The following MAT2B variants were observed in gnomAD, a reference collection of about 807,000 sequenced individuals.
MAT2B encodes the protein methionine adenosyltransferase 2 non-catalytic beta subunit, also known as methionine adenosyltransferase 2 subunit beta.
In MAT2B, 16 loss-of-function variants were observed where a neutral mutation model predicts 36.1. That is an observed-to-expected ratio of 0.44 (90% CI 0.30 to 0.67). The LOEUF is 0.67. Among genes scored for constraint, MAT2B ranks in the 30% least tolerant of loss-of-function variants. The probability of loss-of-function intolerance (pLI) is 0.09; values close to 1 mark genes in which losing one functional copy is unlikely to be tolerated. For missense variants in MAT2B, 332 were observed against 398.2 expected (o/e 0.83, Z 1.42); for synonymous variants, 148 against 136.9 (o/e 1.08, Z -0.57).
At chr5:163,505,589 T>C, upstream of MAT2B, 2 of 1,247,680 alleles carry the variant, frequency 1.6e-6, no homozygotes, top group South Asian at 4.1e-5. Context: ...GTTCTGGGCC[T>C]AGGGGAGGCG....
chr5:163,513,796 GTAA>G (rs748353115), intron 3 of MAT2B, 43 bp from the exon 4 acceptor site: 1 of 1,564,038 alleles, frequency 6.4e-7, no homozygotes, highest in Admixed American at 1.8e-5. Flanking sequence ...CCATGAAAGA[GTAA>G]TGTCATGTAA....
intron 1 of MAT2B, among the ~76,000 whole-genome samples, chr5:163,511,439 CTTTTTTT>C (rs60009583): frequency 2.6e-4 from 18 of 69,552 alleles, no homozygotes; most frequent in African/African-American, 4.0e-4. Context: ...CTAATTTTTG[CTTTTTTT>C]TTTTTTTTTT....
At chr5:163,509,428 A>G (rs1321682882) in intron 1 of MAT2B, among the ~76,000 whole-genome samples, 1 of 152,194 alleles carries the variant, frequency 6.6e-6, no homozygotes, top group East Asian at 1.9e-4. Context: ...CTGGTCCTCT[A>G]AGTGCGGTCT....
intron 1 of MAT2B, among the ~76,000 whole-genome samples, chr5:163,509,503 C>T (rs1490411358): frequency 6.6e-6 from 1 of 152,128 alleles, no homozygotes; most frequent in Non-Finnish European, 1.5e-5. Context: ...CAAGCCCCAC[C>T]CCAGACCTTT....
chr5:163,510,264 A>G, intron 1 of MAT2B, among the ~76,000 whole-genome samples: 1 of 152,324 alleles, frequency 6.6e-6, no homozygotes, highest in East Asian at 1.9e-4. Context: ...GCTTGGAAAC[A>G]TAGAATTTAA....
At chr5:163,511,274 A>AAT (rs1554099704) in intron 1 of MAT2B, among the ~76,000 whole-genome samples, 464 of 149,788 alleles carry the variant, frequency 3.1e-3, no homozygotes, top group Non-Finnish European at 5.3e-3. Context: ...AATTAAAAAA[A>AAT]TTTTTTTTTT....
intron 1 of MAT2B, among the ~76,000 whole-genome samples, chr5:163,508,601 C>CT (rs916807592): frequency 2.1e-4 from 32 of 151,880 alleles, no homozygotes; most frequent in Admixed American, 9.2e-4. Flanking sequence ...CGTTAGTTTT[C>CT]TTTTTTTTGG....
chr5:163,516,859 A>G (rs935473218), intron 5 of MAT2B, 148 bp downstream of exon 5: 20 of 667,532 alleles, frequency 3.0e-5, no homozygotes, highest in Admixed American at 1.5e-4. Context: ...TAGTTTACAT[A>G]TACACTGTAT....
chr5:163,513,532 A>G (rs750880058), intron 2 of MAT2B, 23 bp from the exon 3 acceptor site: 2 of 1,373,660 alleles, frequency 1.5e-6, no homozygotes, highest in Middle Eastern at 1.8e-4. Flanking sequence ...TGAGTTAAAA[A>G]TACGTCAATG....
rs1276399152 is a variant in MAT2B at position 163,512,140 on chromosome 5, G to A, written c.202G>A (p.Glu68Lys). The A allele has an allele frequency of 1.2e-6, 2 of 1,613,980 alleles. No individual in the cohort carries two copies. Among genetic ancestry groups the A allele is most frequent in the African/African-American group, 2.7e-5 (2 of 74,908 alleles). The change falls in exon 2 of 7, where the codon GAA becomes AAA. Residue 68 changes from glutamate (E) to lysine (K), a missense_variant. By Grantham distance (56) the Glu-to-Lys change is moderately conservative. Coordinates refer to ENST00000321757, the MANE Select transcript of MAT2B (RefSeq NM_013283.5). ...TTTCAGAAGAGCAAGACCAAAATTTGAACAGGTTAATCTGTTGGATTCTAA... is the reference window on the plus strand; with the variant it reads ...TTTCAGAAGAGCAAGACCAAAATTTAAACAGGTTAATCTGTTGGATTCTAA... ...CGFRRARPKF[E>K]QVNLLDSNAV...
chr5:163,512,569 T>C, intron 2 of MAT2B: 1 of 387,298 alleles, frequency 2.6e-6, no homozygotes, highest in Non-Finnish European at 4.9e-6. Context: ...GATACTATTC[T>C]CCCTTTGACA....
At chr5:163,505,469 G>T (rs75692991), upstream of MAT2B, 463 of 1,192,144 alleles carry the variant, frequency 3.9e-4, no homozygotes, top group African/African-American at 6.6e-3. Context: ...ATCGGCGCGT[G>T]GGCTGGGGGC....
Position 163,512,061 on chromosome 5 carries a change from C to A in MAT2B, c.123C>A (p.Gly41=). ...TTACTGGTGCCACTGGGCTTCTTGG[C>A]AGAGCTGTACACAAAGAATTTCAGC... The part of the protein sequence containing the change: ...VLVTGATGLL[G]RAVHKEFQQN... The change falls in exon 2 of 7, where the codon GGC becomes GGA. Residue 41 remains glycine (G), a synonymous_variant. Transcript: ENST00000321757. 6.2e-7 allele frequency: 1 copy of A among 1,614,142 alleles called. No individual in the cohort carries two copies. The highest frequency in any genetic ancestry group is 8.5e-7 in the Non-Finnish European group (1 of 1,179,994).
chr5:163,508,922 G>A (rs74745396), intron 1 of MAT2B, among the ~76,000 whole-genome samples: 1,842 of 152,236 alleles, frequency 0.012, 41 homozygotes, highest in African/African-American at 0.042. Flanking sequence ...GTTATAGGCC[G>A]GGCGTACTGG....
At chr5:163,508,404 G>A (rs1455828949) in intron 1 of MAT2B, among the ~76,000 whole-genome samples, 1 of 150,956 alleles carries the variant, frequency 6.6e-6, no homozygotes, top group Admixed American at 6.6e-5. Flanking sequence ...TGCCCGACTA[G>A]TTTTTCTATT....
intron 6 of MAT2B, 107 bp from the exon 7 acceptor site, chr5:163,518,086 C>G (rs2113564297): frequency 4.0e-6 from 3 of 740,766 alleles, no homozygotes; most frequent in Non-Finnish European, 6.3e-6. Flanking sequence ...GATCTCATCT[C>G]TGTTTAAAAA....
rs1243296768 is a variant in MAT2B, at chr5:163,519,003, A to AT, written c.*647dup. On this transcript the variant is annotated 3_prime_UTR_variant, in exon 7 of 7. Transcript: ENST00000321757. The stretch of plus-strand genomic sequence containing the variant: ...AGGCAAACATTGAATGCAAACGTGT[A>AT]TTTTTTTAATATAAATATATAACTG... 6.6e-6 allele frequency: 1 copy of AT among 152,346 alleles called. No homozygotes were observed. The highest frequency in any genetic ancestry group is 2.1e-4 in the South Asian group (1 of 4,816). The allele number at this position is 152,346 out of a possible 1,614,324, so 9.4% of individuals were successfully genotyped here. A position where few individuals can be genotyped will look rare whatever the true frequency, so the allele number is the denominator to read the frequency against.
chr5:163,516,416 C>T, intron 4 of MAT2B, 102 bp from the exon 5 acceptor site: 1 of 903,402 alleles, frequency 1.1e-6, no homozygotes, highest in Non-Finnish European at 1.7e-6. Context: ...AATTAAAAGG[C>T]AAGGTTTCTA....
chr5:163,508,681 G>A (rs1055436070), intron 1 of MAT2B, among the ~76,000 whole-genome samples: 5 of 149,624 alleles, frequency 3.3e-5, no homozygotes, highest in Middle Eastern at 3.8e-3. Context: ...GCAGTTGTGC[G>A]ATCTCGGCTC....
Sources: gnomAD v4.1 joint callset for allele counts (sites outside exome capture counted in the v4.1 genomes callset) on GRCh38, gnomAD v4.1.1 for gene constraint, MANE v1.5 for transcripts, NCBI Gene and HGNC (gene_info 2026-07-23, HGNC 2026-07-21) for gene names.